The following PPP1R36 variants were observed in gnomAD, a reference collection of about 807,000 sequenced individuals.
PPP1R36 encodes protein phosphatase 1 regulatory subunit 36.
PPP1R36 carries 47 observed loss-of-function variants against 53.4 expected under a neutral mutation model. The ratio of observed to expected loss-of-function variants is 0.88; its 90% CI spans 0.70 to 1.12. The LOEUF (loss-of-function observed/expected upper bound fraction) is 1.12. Among genes scored for constraint, PPP1R36 ranks in the 50% most tolerant of loss-of-function variants. The pLI is 0.00. For synonymous variants in PPP1R36, 153 were observed against 170.5 expected (o/e 0.90, Z 0.80); for missense variants, 456 against 513.9 (o/e 0.89, Z 1.09).
chr14:64,581,747 AGT>A (rs2080391743), intron 8 of PPP1R36, among the ~76,000 whole-genome samples: 1 of 152,198 alleles, frequency 6.6e-6, no homozygotes, highest in Non-Finnish European at 1.5e-5. Flanking sequence ...TAAAGATTTT[AGT>A]AGAACCAGCA....
chr14:64,562,582 A>C (rs1026568937), intron 3 of PPP1R36, among the ~76,000 whole-genome samples: 1 of 152,200 alleles, frequency 6.6e-6, no homozygotes, highest in African/African-American at 2.4e-5. Context: ...TTACCAGCCA[A>C]GCTAGAGAAT....
chr14:64,580,295 C>A (rs1038891520), intron 8 of PPP1R36, among the ~76,000 whole-genome samples: 1 of 152,096 alleles, frequency 6.6e-6, no homozygotes, highest in African/African-American at 2.4e-5. Flanking sequence ...CAGAACAACA[C>A]CCTGCCTCAA....
intron 7 of PPP1R36, among the ~76,000 whole-genome samples, chr14:64,573,782 A>G (rs2043784282): frequency 6.6e-6 from 1 of 151,522 alleles, no homozygotes; most frequent in South Asian, 2.1e-4. Flanking sequence ...GCATGGTGGT[A>G]GGCACCTGTA....
chr14:64,561,172 G>A (rs1297137479), intron 3 of PPP1R36, among the ~76,000 whole-genome samples: 1 of 152,134 alleles, frequency 6.6e-6, no homozygotes, highest in Non-Finnish European at 1.5e-5. Flanking sequence ...TCCACCTGGG[G>A]TAGGCCAACT....
intron 6 of PPP1R36, among the ~76,000 whole-genome samples, chr14:64,566,489 C>T (rs942887125): frequency 3.3e-5 from 5 of 151,464 alleles, no homozygotes; most frequent in Non-Finnish European, 4.4e-5. Context: ...GATCACTTTT[C>T]TCTACTAGTT....
chr14:64,573,913 C>CAAAAAAAAAAAAAAAAAAAAAAA (rs35427371), intron 7 of PPP1R36, among the ~76,000 whole-genome samples: 1 of 32,522 alleles, frequency 3.1e-5, no homozygotes, highest in Non-Finnish European at 4.9e-5. Flanking sequence ...GACTCTGTCT[C>CAAAAAAAAAAAAAAAAAAAAAAA]AAAAAAAAAA....
intron 3 of PPP1R36, among the ~76,000 whole-genome samples, chr14:64,554,139 A>G (rs910353175): frequency 9.2e-6 from 1 of 109,018 alleles, no homozygotes. Flanking sequence ...TCCCATCACA[A>G]TTGTTTTTTT....
chr14:64,559,524 G>A (rs3742604), intron 3 of PPP1R36: 66,622 of 152,206 alleles, frequency 0.44, 15,704 homozygotes, highest in East Asian at 0.65. Context: ...TCTAAGCTAC[G>A]ACCTGAGGAA....
chr14:64,575,434 G>A (rs2080334283), intron 8 of PPP1R36, among the ~76,000 whole-genome samples: 1 of 152,106 alleles, frequency 6.6e-6, no homozygotes, highest in African/African-American at 2.4e-5. Context: ...ATAGGATTCT[G>A]TTATGTAACA....
chr14:64,568,622 T>C (rs1305039170), intron 7 of PPP1R36, among the ~76,000 whole-genome samples, 175 bp downstream of exon 7: 1 of 151,988 alleles, frequency 6.6e-6, no homozygotes, highest in Non-Finnish European at 1.5e-5. Context: ...ATATGTGTAG[T>C]CCAGCAACAA....
chr14:64,587,139 A>G, intron 9 of PPP1R36, 55 bp from the exon 10 acceptor site: 8 of 1,368,698 alleles, frequency 5.8e-6, no homozygotes, highest in Non-Finnish European at 8.1e-6. Flanking sequence ...CAGACAGGTA[A>G]GAGTTTTCCA....
chr14:64,569,943 T>C (rs2080290100), intron 7 of PPP1R36, among the ~76,000 whole-genome samples: 1 of 151,894 alleles, frequency 6.6e-6, no homozygotes, highest in Non-Finnish European at 1.5e-5. Context: ...TTCACCATGT[T>C]GGCCAATCTG....
chr14:64,561,666 T>A, intron 3 of PPP1R36: 1 of 402,456 alleles, frequency 2.5e-6, no homozygotes, highest in Non-Finnish European at 5.0e-6. Context: ...TCAGCATGCA[T>A]GCCCATTTCT....
intron 7 of PPP1R36, among the ~76,000 whole-genome samples, chr14:64,570,183 C>G (rs989681697): frequency 1.3e-5 from 2 of 152,086 alleles, no homozygotes; most frequent in African/African-American, 4.8e-5. Context: ...CCAATTGAAG[C>G]CTTAAAAGTA....
rs1435471390 is a variant in PPP1R36, at chr14:64,588,293, G to A, written c.1080G>A (p.Pro360=). ...HVGTLDSVPM[P]VVGILGEPRC... ...GAACTCTGGACTCTGTGCCCATGCC[G>A]GTGTAAGTGGCTTGGCAAGAGAAGC... The change falls in exon 11 of 12, where the codon CCG becomes CCA. Residue 360 remains proline (P), a splice_region_variant and synonymous_variant. Transcript: ENST00000298705. 33 of 1,598,770 alleles carry A rather than the reference G, an allele frequency of 2.1e-5. No individual in the cohort carries two copies. Among genetic ancestry groups the A allele is most frequent in the East Asian group, 6.7e-5 (3 of 44,490 alleles).
At position 64,575,751 on chromosome 14, in the gene PPP1R36, C is replaced by T. The variant is rs536660221; in HGVS notation, c.668+1162C>T. Among the ~76,000 whole-genome samples the T allele has an allele frequency of 1.6e-4, 25 of 151,864 alleles. No individual in the cohort carries two copies. In the East Asian group the frequency reaches 3.9e-3, roughly 24 times the overall value. On this transcript the variant is annotated intron_variant, in intron 8 of 11. Coordinates refer to ENST00000298705, the MANE Select transcript of PPP1R36 (RefSeq NM_172365.3). Reference sequence around the variant, plus strand: ...CTGCAAGCCCCGCCTCCTGGGTTCACGCCATTCTCCTGTCTCAGCCTCCCA... The same window carrying T: ...CTGCAAGCCCCGCCTCCTGGGTTCATGCCATTCTCCTGTCTCAGCCTCCCA...
rs1294466728 is a variant in PPP1R36 at position 64,561,815 on chromosome 14, C to T, written c.183-2936C>T. The T allele has an allele frequency of 8.8e-6, 4 of 456,002 alleles. No homozygotes were observed. In the Admixed American group the frequency reaches 9.4e-5, roughly 11 times the overall value. 28.2% of individuals were successfully genotyped at this position (456,002 alleles called of 1,614,324 possible). A position where few individuals can be genotyped will look rare whatever the true frequency, so the allele number is the denominator to read the frequency against. On this transcript the variant is annotated intron_variant, in intron 3 of 11. Coordinates refer to ENST00000298705, the MANE Select transcript of PPP1R36 (RefSeq NM_172365.3). ...CCCCTATTCCAAAGCTGGCAGAGAA[C>T]CAGCAGTCTGCCTGAATGTTTGCCA... is the stretch of plus-strand genomic sequence containing the variant.
Position 64,552,869 on chromosome 14 carries a change from T to C in PPP1R36, c.182+8T>C. On this transcript the variant is annotated splice_region_variant and intron_variant, in intron 3 of 11. Transcript: ENST00000298705. The stretch of plus-strand genomic sequence containing the variant: ...CCTGAAACATCACCCTCAGTGAGTG[T>C]GAGACAGACAGTGAGATAGCTTTGG... 6.2e-7 allele frequency: 1 copy of C among 1,611,420 alleles called. No individual in the cohort carries two copies. Among genetic ancestry groups the C allele is most frequent in the Non-Finnish European group, 8.5e-7 (1 of 1,177,632 alleles).
intron 3 of PPP1R36, chr14:64,561,886 CT>C: frequency 8.8e-6 from 4 of 454,264 alleles, no homozygotes; most frequent in South Asian, 3.1e-5. Flanking sequence ...AAACCCTACT[CT>C]TTCGTCATGG....
Sources: allele counts gnomAD v4.1 joint callset (sites outside exome capture counted in the v4.1 genomes callset), GRCh38; gene constraint gnomAD v4.1.1; transcripts MANE v1.5; gene names NCBI Gene and HGNC (gene_info 2026-07-23, HGNC 2026-07-21).